Variants in TRPV4 observed in about 807,000 individuals in gnomAD.
The protein encoded by TRPV4 is OSM9-like transient receptor potential channel 4.
TRPV4 carries 58 observed loss-of-function variants against 84.1 expected under a neutral mutation model. The observed-to-expected ratio is 0.69, with a 90% confidence interval of 0.56 to 0.86. TRPV4 has a LOEUF of 0.86. Among genes scored for constraint, TRPV4 ranks in the 40% least tolerant of loss-of-function variants. TRPV4 has a pLI of 0.00. For synonymous variants in TRPV4, 489 were observed against 500.9 expected (o/e 0.98, Z 0.32); for missense variants, 879 against 1,181.1 (o/e 0.74, Z 3.75).
intron 2 of TRPV4, among the ~76,000 whole-genome samples, chr12:109,813,798 AT>A (rs1208649375): frequency 6.6e-6 from 1 of 151,666 alleles, no homozygotes; most frequent in Non-Finnish European, 1.5e-5. Flanking sequence ...AGATGGACAT[AT>A]GGAATGATGA....
At chr12:109,792,530 C>A in intron 11 of TRPV4, 101 bp from the exon 12 acceptor site, 1 of 1,572,824 alleles carries the variant, frequency 6.4e-7, no homozygotes, top group Non-Finnish European at 8.7e-7. Flanking sequence ...AGTGTCCAGA[C>A]CATGCCTCCT....
intron 1 of TRPV4, among the ~76,000 whole-genome samples, chr12:109,823,120 C>T (rs531381486): frequency 7.2e-5 from 11 of 152,300 alleles, no homozygotes; most frequent in South Asian, 2.1e-4. Flanking sequence ...GGCTACCCCA[C>T]GGCTCCCAGG....
At chr12:109,797,264 G>T (rs1890461611) in intron 6 of TRPV4, among the ~76,000 whole-genome samples, 1 of 151,938 alleles carries the variant, frequency 6.6e-6, no homozygotes, top group South Asian at 2.1e-4. Context: ...CAATTCTCCT[G>T]CCTCAGCCTC....
At chr12:109,802,305 CTT>C (rs548840636) in intron 4 of TRPV4, among the ~76,000 whole-genome samples, 13 of 138,418 alleles carry the variant, frequency 9.4e-5, no homozygotes, top group Admixed American at 7.3e-5. Context: ...TTTTTTGCAT[CTT>C]TTTTTTTTTT....
Position 109,786,735 on chromosome 12 carries a change from T to G in TRPV4, c.2311A>C (p.Thr771Pro), listed in dbSNP as rs993100070. ...MVTVGKSSDG[T>P]PDRRWCFRVD... ...CTGAAGCACCACCTGCGGTCAGGAG[T>G]GCCGTCCGAGCTCTTGCCCACGGTG... Residue 771 changes from threonine (T) to proline (P), a missense_variant, in exon 14 of 16, where the codon ACT becomes CCT. Physicochemically the swap from Thr to Pro is conservative, Grantham distance 38. Around this residue, in one of 4 missense-constraint regions of TRPV4, gnomAD observed 242 missense variants for 355.3 expected, o/e 0.68. Transcript: ENST00000261740. The surrounding 1 kb of genome is among the most constrained non-coding windows in gnomAD (Gnocchi z 4.5). 6.2e-7 allele frequency: 1 copy of G among 1,613,560 alleles called. No individual in the cohort carries two copies. The highest frequency in any genetic ancestry group is 1.3e-5 in the African/African-American group (1 of 74,838).
chr12:109,819,401 G>A (rs574023076), intron 1 of TRPV4, among the ~76,000 whole-genome samples: 4 of 152,218 alleles, frequency 2.6e-5, no homozygotes, highest in African/African-American at 7.2e-5. Context: ...TGGGCCCTTC[G>A]TTCCCGCACG....
chr12:109,786,972 CA>C lies in TRPV4; in HGVS notation c.2209-136del, dbSNP rs1391947462. The stretch of plus-strand genomic sequence containing the variant: ...TTAGACTCCTACTCCCCACTAGACA[CA>C]GGGTTTATAAACTCAAATACCCACA... On this transcript the variant is annotated intron_variant, in intron 13 of 15. Transcript: ENST00000261740. This position sits in a 1 kb window ranked among gnomAD's most constrained non-coding sequence, Gnocchi z 4.5. The C allele has an allele frequency of 1.6e-6, 2 of 1,275,062 alleles. No homozygotes were observed. Among genetic ancestry groups the C allele is most frequent in the African/African-American group, 1.5e-5 (1 of 67,710 alleles). 79.0% of individuals were successfully genotyped at this position (1,275,062 alleles called of 1,614,324 possible).
intron 1 of TRPV4, among the ~76,000 whole-genome samples, chr12:109,821,432 G>C (rs999714467): frequency 6.6e-6 from 1 of 152,178 alleles, no homozygotes; most frequent in Non-Finnish European, 1.5e-5. Flanking sequence ...TCATGTTAAA[G>C]GGCACTTCCT....
In TRPV4 at chr12:109,788,380, T is replaced by TTGGG. The variant is rs769836963; in HGVS notation, c.2208+19_2208+20insCCCA. The TTGGG allele has an allele frequency of 5.0e-6, 8 of 1,608,444 alleles. No individual in the cohort carries two copies. The highest frequency in any genetic ancestry group is 6.8e-6 in the Non-Finnish European group (8 of 1,177,730). ...ACGAGGGTGGCTGGTAGAGTGGGGC[T>TTGGG]GGGGGCCCTGGGGCCTCACCTGCAG... On this transcript the variant is annotated intron_variant, in intron 13 of 15. Coordinates refer to ENST00000261740, the MANE Select transcript of TRPV4 (RefSeq NM_021625.5).
intron 1 of TRPV4, among the ~76,000 whole-genome samples, chr12:109,820,151 G>A (rs1260630477): frequency 3.3e-5 from 5 of 152,156 alleles, no homozygotes; most frequent in Non-Finnish European, 4.4e-5. Context: ...CCCTTTGGGG[G>A]CAGACCTTCT....
intron 1 of TRPV4, among the ~76,000 whole-genome samples, chr12:109,816,012 T>C (rs1891826803): frequency 2.0e-5 from 3 of 152,174 alleles, no homozygotes; most frequent in Admixed American, 2.0e-4. Flanking sequence ...AAGGGTGAGT[T>C]TCCTGGAACT....
At chr12:109,807,250 T>C (rs1284445657) in intron 3 of TRPV4, among the ~76,000 whole-genome samples, 2 of 143,398 alleles carry the variant, frequency 1.4e-5, no homozygotes, top group African/African-American at 5.3e-5. Flanking sequence ...CACTCCAGCC[T>C]GGGCAACAAG....
At position 109,808,318 on chromosome 12, in the gene TRPV4, G is replaced by C; in HGVS notation, c.537C>G (p.Arg179=). The C allele has an allele frequency of 6.2e-7, 1 of 1,614,216 alleles. No individual in the cohort carries two copies. The highest frequency in any genetic ancestry group is 8.5e-7 in the Non-Finnish European group (1 of 1,180,034). The change falls in exon 3 of 16, where the codon CGC becomes CGG. Residue 179 remains arginine, a synonymous_variant. Coordinates refer to ENST00000261740, the MANE Select transcript of TRPV4 (RefSeq NM_021625.5). Reference sequence around the variant, plus strand: ...CACCTCGAAACTCCTCATCAGTTAGGCGTTTCTTGTGGGTCAGCAAGAATG... The same window carrying C: ...CACCTCGAAACTCCTCATCAGTTAGCCGTTTCTTGTGGGTCAGCAAGAATG... The part of the protein sequence containing the change: ...LLPFLLTHKK[R]LTDEEFREPS...
At chr12:109,819,806 C>T (rs1265802451) in intron 1 of TRPV4, among the ~76,000 whole-genome samples, 1 of 152,222 alleles carries the variant, frequency 6.6e-6, no homozygotes, top group Non-Finnish European at 1.5e-5. Context: ...AAATGATCTA[C>T]CCGCCTCGGC....
chr12:109,794,527 T>G, intron 7 of TRPV4, 40 bp from the exon 8 acceptor site: 1 of 1,611,232 alleles, frequency 6.2e-7, no homozygotes, highest in African/African-American at 1.3e-5. Context: ...CTTCCTGAGA[T>G]GGGTGGGGGG....
At position 109,783,452 on chromosome 12, in the gene TRPV4, G is replaced by C; in HGVS notation, c.*169C>G. 1.1e-6 allele frequency: 1 copy of C among 885,620 alleles called. No homozygotes were observed. 54.9% of individuals were successfully genotyped at this position (885,620 alleles called of 1,614,324 possible). Reference sequence around the variant, plus strand: ...GGCCGGGAGCCCCCACCCCAGGGTGGGGAGGCAGAGCCAGGGGACCACAGG... The same window carrying C: ...GGCCGGGAGCCCCCACCCCAGGGTGCGGAGGCAGAGCCAGGGGACCACAGG... On this transcript the variant is annotated 3_prime_UTR_variant, in exon 16 of 16. Transcript: ENST00000261740. This position sits in a 1 kb window ranked among gnomAD's most constrained non-coding sequence, Gnocchi z 4.6.
chr12:109,788,608 C>A lies in TRPV4; in HGVS notation c.2000G>T (p.Ser667Ile), dbSNP rs756867557. 1 of 1,614,254 alleles carries A rather than the reference C, an allele frequency of 6.2e-7. No homozygotes were observed. Among genetic ancestry groups the A allele is most frequent in the Non-Finnish European group, 8.5e-7 (1 of 1,180,050 alleles). The change falls in exon 13 of 16, where the codon AGC becomes ATC. Residue 667 changes from serine (S) to isoleucine (I), a missense_variant. Ser to Ile is a moderately radical substitution (Grantham distance 142). This residue lies in a region of TRPV4 where 242 missense variants were observed against 355.3 expected (regional missense o/e 0.68). Coordinates refer to ENST00000261740, the MANE Select transcript of TRPV4 (RefSeq NM_021625.5). ...YPSCRDSETF[S>I]TFLLDLFKLT... ...CTTAAACAGGTCCAGGAGGAAGGTG[C>A]TGAAGGTCTCGCTGTCACGGCACGA...
At position 109,786,607 on chromosome 12, in the gene TRPV4, G is replaced by A; in HGVS notation, c.2336+103C>T. On this transcript the variant is annotated intron_variant, in intron 14 of 15. Transcript: ENST00000261740. The surrounding 1 kb of genome is among the most constrained non-coding windows in gnomAD (Gnocchi z 4.5). ...GCTCGGGCCTCTTGGGGCCTCAGTG[G>A]CTCCAGAAATTGCAATGGGTAGACG... 1.3e-6 allele frequency: 2 copies of A among 1,496,806 alleles called. No homozygotes were observed. The highest frequency in any genetic ancestry group is 1.8e-6 in the Non-Finnish European group (2 of 1,098,426). The allele number at this position is 1,496,806 out of a possible 1,614,324, so 92.7% of individuals were successfully genotyped here.
rs371238342 is a variant in TRPV4, at chr12:109,791,244, G to A, written c.1891+1119C>T. On this transcript the variant is annotated intron_variant, in intron 12 of 15. Coordinates refer to ENST00000261740, the MANE Select transcript of TRPV4 (RefSeq NM_021625.5). Reference sequence around the variant, plus strand: ...CCAAAAATATAAAACTTAGCCATGCGTGGTGGCACACGCCTGTAATCCCAG... The same window carrying A: ...CCAAAAATATAAAACTTAGCCATGCATGGTGGCACACGCCTGTAATCCCAG... Among the ~76,000 whole-genome samples, 23 of 152,018 alleles carry A rather than the reference G, an allele frequency of 1.5e-4. No homozygotes were observed. In the East Asian group the frequency reaches 3.1e-3, roughly 21 times the overall value.
Sources: gnomAD v4.1 joint callset for allele counts (sites outside exome capture counted in the v4.1 genomes callset) on GRCh38, gnomAD v4.1.1 for gene constraint, gnomAD v4.1.1 regional missense constraint, Gnocchi (gnomAD v3.1) non-coding constraint, MANE v1.5 for transcripts, NCBI Gene and HGNC (gene_info 2026-07-23, HGNC 2026-07-21) for gene names.